The following PGS1 variants were observed in gnomAD, a reference collection of about 807,000 sequenced individuals.
The protein encoded by PGS1 is CDP-diacylglycerol--glycerol-3-phosphate 3-phosphatidyltransferase, mitochondrial.
Under a neutral mutation model 58.3 loss-of-function variants are expected in PGS1, and 44 were observed. The ratio of observed to expected loss-of-function variants is 0.75; its 90% CI spans 0.59 to 0.97. The LOEUF (loss-of-function observed/expected upper bound fraction) is 0.97. Among genes scored for constraint, PGS1 ranks in the 50% least tolerant of loss-of-function variants. The probability of loss-of-function intolerance (pLI) is 0.00; values close to 1 mark genes in which losing one functional copy is unlikely to be tolerated. For synonymous variants in PGS1, 330 were observed against 311.0 expected, an observed-to-expected ratio of 1.06 and a Z score of -0.64; for missense variants, 684 against 731.1, an observed-to-expected ratio of 0.94 and a Z score of 0.74.
chr17:78,384,263 C>T (rs779088401), intron 1 of PGS1, among the ~76,000 whole-genome samples: 2 of 152,106 alleles, frequency 1.3e-5, no homozygotes, highest in Non-Finnish European at 2.9e-5. Flanking sequence ...TTGTAACCTA[C>T]GGGAATCCAC....
rs961840900 is a variant in PGS1, at chr17:78,398,296, G to A, written c.456G>A (p.Lys152=). The A allele has an allele frequency of 6.2e-7, 1 of 1,614,030 alleles. No individual in the cohort carries two copies. Among genetic ancestry groups the A allele is most frequent in the African/African-American group, 1.3e-5 (1 of 74,922 alleles). ...CTCTAGAAAAGTCACTCCAAGCAAA[G>A]TTTCCTTCAAATCTCAAGGTCTCCA... ...ESTLEKSLQA[K]FPSNLKVSIL... The change falls in exon 4 of 10, where the codon AAG becomes AAA. Residue 152 remains lysine, a synonymous_variant. Coordinates refer to ENST00000262764, the MANE Select transcript of PGS1 (RefSeq NM_024419.5).
At chr17:78,387,911 G>T (rs2146098144) in intron 1 of PGS1, among the ~76,000 whole-genome samples, 1 of 152,192 alleles carries the variant, frequency 6.6e-6, no homozygotes, top group Admixed American at 6.5e-5. Flanking sequence ...TAGTTTTTTT[G>T]AGTGACACTA....
intron 8 of PGS1, among the ~76,000 whole-genome samples, chr17:78,418,845 T>TTTGA (rs2085439070): frequency 1.3e-5 from 2 of 152,236 alleles, no homozygotes; most frequent in East Asian, 1.9e-4. Flanking sequence ...TTTGTGCCAA[T>TTTGA]TTGATAGAAG....
At chr17:78,393,153 C>T (rs539517183) in intron 2 of PGS1, among the ~76,000 whole-genome samples, 2 of 151,964 alleles carry the variant, frequency 1.3e-5, no homozygotes, top group Admixed American at 6.6e-5. Flanking sequence ...CTCCGCCTCT[C>T]GGGTTCACGC....
chr17:78,414,670 C>T (rs750376149), intron 7 of PGS1, among the ~76,000 whole-genome samples: 2 of 152,148 alleles, frequency 1.3e-5, no homozygotes, highest in East Asian at 3.9e-4. Flanking sequence ...GCTGAGGCTG[C>T]GCCCTGATCC....
At chr17:78,396,546 G>T (rs1020293362) in intron 3 of PGS1, among the ~76,000 whole-genome samples, 161 bp downstream of exon 3, 1 of 152,168 alleles carries the variant, frequency 6.6e-6, no homozygotes, top group Non-Finnish European at 1.5e-5. Flanking sequence ...TGTCAGGAGG[G>T]CCTGGTGAGG....
At chr17:78,382,132 T>C (rs2082077860) in intron 1 of PGS1, among the ~76,000 whole-genome samples, 1 of 151,976 alleles carries the variant, frequency 6.6e-6, no homozygotes, top group Non-Finnish European at 1.5e-5. Flanking sequence ...GAGTGGATGT[T>C]CAAGAAGTGA....
At chr17:78,418,308 A>G (rs1340849969) in intron 8 of PGS1, among the ~76,000 whole-genome samples, 5 of 152,142 alleles carry the variant, frequency 3.3e-5, no homozygotes, top group Admixed American at 3.3e-4. Context: ...AAAAACGGAA[A>G]GAAACTAACC....
chr17:78,399,769 T>G (rs2083511951), intron 5 of PGS1, among the ~76,000 whole-genome samples: 1 of 152,232 alleles, frequency 6.6e-6, no homozygotes, highest in Admixed American at 6.5e-5. Context: ...TGCTGGCCAC[T>G]CAGGTATGTT....
At chr17:78,390,734 C>A (rs1216480886) in intron 1 of PGS1, among the ~76,000 whole-genome samples, 1 of 152,012 alleles carries the variant, frequency 6.6e-6, no homozygotes. Context: ...GTCCCTCCAC[C>A]CCCATCTCCC....
At position 78,379,518 on chromosome 17, in the gene PGS1, T is replaced by TA. The variant is rs961268532; in HGVS notation, c.143+718dup. On this transcript the variant is annotated intron_variant, in intron 1 of 9. Transcript: ENST00000262764. ...ATGCTGACCTGAGGCTTGCTAATAT[T>TA]AAAAAAAAGGGGATAAATAATTCTT... 1.3e-4 allele frequency among the ~76,000 whole-genome samples: 20 copies of TA among 151,834 alleles called. No individual in the cohort carries two copies. In the South Asian group the frequency reaches 1.5e-3, roughly 11 times the overall value.
intron 8 of PGS1, among the ~76,000 whole-genome samples, chr17:78,417,508 C>G (rs558705624): frequency 1.3e-5 from 2 of 152,052 alleles, no homozygotes; most frequent in African/African-American, 2.4e-5. Context: ...TTCCCCAGCT[C>G]TTGATGGGAA....
At chr17:78,408,139 C>T (rs2084317350) in intron 7 of PGS1, among the ~76,000 whole-genome samples, 1 of 152,186 alleles carries the variant, frequency 6.6e-6, no homozygotes, top group African/African-American at 2.4e-5. Context: ...GTATCTCTAT[C>T]ACATTTCAAT....
chr17:78,405,179 G>A (rs753144572), intron 7 of PGS1, among the ~76,000 whole-genome samples: 1 of 151,720 alleles, frequency 6.6e-6, no homozygotes, highest in Non-Finnish European at 1.5e-5. Flanking sequence ...TGTATTTTTA[G>A]TAGAGATGGG....
rs1391572703 is a variant in PGS1, at chr17:78,392,788, T to C, written c.333+123T>C. ...TGCTCAAGCTTATTCCTTCTGGGTT[T>C]TACCTGTCAGGTTTCAGCTTCATAG... On this transcript the variant is annotated intron_variant, in intron 2 of 9. Coordinates refer to ENST00000262764, the MANE Select transcript of PGS1 (RefSeq NM_024419.5). The C allele has an allele frequency of 6.8e-6, 5 of 738,856 alleles. No individual in the cohort carries two copies. The African/African-American group carries it at 8.9e-5, about 13-fold the overall frequency. 45.8% of individuals were successfully genotyped at this position (738,856 alleles called of 1,614,324 possible). A position where few individuals can be genotyped will look rare whatever the true frequency, so the allele number is the denominator to read the frequency against.
chr17:78,396,540 A>C (rs1045224562), intron 3 of PGS1, among the ~76,000 whole-genome samples, 155 bp downstream of exon 3: 1 of 152,154 alleles, frequency 6.6e-6, no homozygotes, highest in Non-Finnish European at 1.5e-5. Context: ...TGGGCATGTC[A>C]GGAGGGCCTG....
In PGS1 at chr17:78,419,663, T is replaced by C; in HGVS notation, c.1669T>C (p.Ter557ArgextTer50). The stretch of plus-strand genomic sequence containing the variant: ...GACTCCACTGATCAAGAACTTCTTC[T>C]GAGGACAGACAGGTGCTGTCTCTAG... ...MVTPLIKNFF[*>R] The change falls in exon 9 of 10, where the codon TGA becomes CGA. Residue 557 changes from the stop codon to arginine, a stop_lost. Coordinates refer to ENST00000262764, the MANE Select transcript of PGS1 (RefSeq NM_024419.5). The C allele has an allele frequency of 1.2e-6, 2 of 1,613,972 alleles. No individual in the cohort carries two copies. Among genetic ancestry groups the C allele is most frequent in the Non-Finnish European group, 1.7e-6 (2 of 1,179,908 alleles).
intron 1 of PGS1, among the ~76,000 whole-genome samples, chr17:78,387,872 A>C (rs1429127387): frequency 1.3e-5 from 2 of 152,140 alleles, no homozygotes; most frequent in African/African-American, 2.4e-5. Context: ...CACTGGGATT[A>C]TAGGCACATG....
chr17:78,393,895 G>C (rs1274326078), intron 2 of PGS1, among the ~76,000 whole-genome samples: 1 of 60,810 alleles, frequency 1.6e-5, no homozygotes, highest in Non-Finnish European at 3.1e-5. Context: ...TAGAATGAAG[G>C]TCTAGGCCAG....
Sources: allele counts gnomAD v4.1 joint callset (sites outside exome capture counted in the v4.1 genomes callset), GRCh38; gene constraint gnomAD v4.1.1; transcripts MANE v1.5; gene names NCBI Gene and HGNC (gene_info 2026-07-23, HGNC 2026-07-21).